KCNIP4: variants seen among roughly 807,000 people sequenced by gnomAD.
KCNIP4 encodes the protein potassium voltage-gated channel interacting protein 4, also known as Kv channel-interacting protein 4.
Under a neutral mutation model 34.0 loss-of-function variants are expected in KCNIP4, and 12 were observed. The ratio of observed to expected loss-of-function variants is 0.35; its 90% CI spans 0.23 to 0.57. The LOEUF is 0.57. KCNIP4 is among the 20% of genes least tolerant of loss of function. The probability of loss-of-function intolerance (pLI) is 0.83; values close to 1 mark genes in which losing one functional copy is unlikely to be tolerated. For synonymous variants in KCNIP4, 124 were observed against 102.2 expected (o/e 1.21, Z -1.29); for missense variants, 238 against 311.7 (o/e 0.76, Z 1.78).
intron 2 of KCNIP4, among the ~76,000 whole-genome samples, chr4:20,872,126 C>T (rs1723538223): frequency 6.6e-6 from 1 of 152,042 alleles, no homozygotes; most frequent in Admixed American, 6.6e-5. Flanking sequence ...TTTCACACTG[C>T]TATTGAAATA....
chr4:20,857,767 A>T (rs1031641407), intron 2 of KCNIP4, among the ~76,000 whole-genome samples: 10 of 152,248 alleles, frequency 6.6e-5, no homozygotes, highest in Non-Finnish European at 1.3e-4. Context: ...CAGAAAAGTT[A>T]ACTGTATTCA....
chr4:21,802,519 A>C (rs1390103306), intron 1 of KCNIP4, among the ~76,000 whole-genome samples: 2 of 152,176 alleles, frequency 1.3e-5, no homozygotes, highest in Non-Finnish European at 2.9e-5. Flanking sequence ...AAGGCCAAAA[A>C]ATAATAAATT....
At chr4:21,400,465 T>TTTCTC (rs1553876082) in intron 1 of KCNIP4, among the ~76,000 whole-genome samples, 2 of 117,974 alleles carry the variant, frequency 1.7e-5, no homozygotes, top group Admixed American at 9.0e-5. Flanking sequence ...TTTCTTTCTG[T>TTTCTC]TCCTCTCCTC....
At chr4:21,260,051 C>T (rs1390767073) in intron 1 of KCNIP4, among the ~76,000 whole-genome samples, 5 of 152,162 alleles carry the variant, frequency 3.3e-5, no homozygotes, top group African/African-American at 4.8e-5. Flanking sequence ...CATTAAAACA[C>T]AGGCTTCAGG....
Position 21,424,845 on chromosome 4 carries a change from G to A in KCNIP4, c.61+523726C>T, listed in dbSNP as rs117135833. Among the ~76,000 whole-genome samples the A allele has an allele frequency of 5.3e-3, 802 of 152,322 alleles. 34 individuals carry two copies. In the South Asian group the frequency reaches 0.094, roughly 18 times the overall value. On this transcript the variant is annotated intron_variant, in intron 1 of 8. Coordinates refer to ENST00000382152, the MANE Select transcript of KCNIP4 (RefSeq NM_025221.6). ...AATCAAATATTTTCCAGATAAGACA[G>A]TCATAGTGCCACATGTTGGAAGAAA...
intron 1 of KCNIP4, among the ~76,000 whole-genome samples, chr4:21,829,934 A>C (rs1482891874): frequency 6.6e-6 from 1 of 152,172 alleles, no homozygotes; most frequent in Non-Finnish European, 1.5e-5. Flanking sequence ...AGAAAGGAAC[A>C]AAAGATCTAT....
intron 1 of KCNIP4, among the ~76,000 whole-genome samples, chr4:21,187,365 T>C (rs1298826125): frequency 6.6e-6 from 1 of 152,214 alleles, no homozygotes; most frequent in South Asian, 2.1e-4. Flanking sequence ...AACAAATATA[T>C]AATCAGATCA....
At chr4:21,194,281 G>T (rs1755894843) in intron 1 of KCNIP4, among the ~76,000 whole-genome samples, 1 of 151,948 alleles carries the variant, frequency 6.6e-6, no homozygotes, top group East Asian at 1.9e-4. Flanking sequence ...TTTGCCTGTG[G>T]GTCCTCTCAC....
chr4:21,400,465 T>TTTC (rs1553876082), intron 1 of KCNIP4, among the ~76,000 whole-genome samples: 13,747 of 117,526 alleles, frequency 0.12, 2,724 homozygotes, highest in African/African-American at 0.34. Flanking sequence ...TTTCTTTCTG[T>TTTC]TCCTCTCCTC....
chr4:21,047,663 C>T (rs1742553588), intron 1 of KCNIP4, among the ~76,000 whole-genome samples: 1 of 152,130 alleles, frequency 6.6e-6, no homozygotes, highest in African/African-American at 2.4e-5. Flanking sequence ...TATTGCTGGC[C>T]TATTTGATTT....
At chr4:21,679,615 T>G (rs1481651862) in intron 1 of KCNIP4, among the ~76,000 whole-genome samples, 2 of 152,210 alleles carry the variant, frequency 1.3e-5, no homozygotes, top group Non-Finnish European at 2.9e-5. Flanking sequence ...ATACACTATC[T>G]GTTTTTCTCT....
intron 1 of KCNIP4, among the ~76,000 whole-genome samples, chr4:21,519,383 TG>T (rs138911964): frequency 0.015 from 2,307 of 150,892 alleles, 87 homozygotes; most frequent in Non-Finnish European, 0.024. Context: ...CGTATATGTA[TG>T]TGTATATATA....
At chr4:21,267,369 A>C (rs1761876330) in intron 1 of KCNIP4, among the ~76,000 whole-genome samples, 1 of 150,860 alleles carries the variant, frequency 6.6e-6, no homozygotes, top group African/African-American at 2.5e-5. Flanking sequence ...AAAAAAAAAA[A>C]CTCTTCTGAC....
intron 1 of KCNIP4, among the ~76,000 whole-genome samples, chr4:21,468,058 ACT>A (rs1309156375): frequency 6.6e-6 from 1 of 152,096 alleles, no homozygotes; most frequent in Non-Finnish European, 1.5e-5. Flanking sequence ...CAAATGGATC[ACT>A]CTGCAAAAAG....
chr4:21,032,536 T>G (rs1350548413), intron 1 of KCNIP4, among the ~76,000 whole-genome samples: 1 of 152,148 alleles, frequency 6.6e-6, no homozygotes, highest in Non-Finnish European at 1.5e-5. Flanking sequence ...AATATATTTC[T>G]TTGTATAAAC....
chr4:21,762,288 A>T (rs1718110414), intron 1 of KCNIP4, among the ~76,000 whole-genome samples: 1 of 152,120 alleles, frequency 6.6e-6, no homozygotes, highest in African/African-American at 2.4e-5. Context: ...ACTTCACATT[A>T]TTATTTTACC....
intron 1 of KCNIP4, among the ~76,000 whole-genome samples, chr4:21,611,991 C>T (rs778442299): frequency 2.4e-4 from 36 of 152,224 alleles, no homozygotes; most frequent in Admixed American, 1.0e-3. Flanking sequence ...TTCTTAGTTA[C>T]GAGACAAACT....
intron 1 of KCNIP4, among the ~76,000 whole-genome samples, chr4:21,258,414 GAAT>G (rs1761223360): frequency 6.6e-6 from 1 of 152,104 alleles, no homozygotes; most frequent in Non-Finnish European, 1.5e-5. Flanking sequence ...GTGGAAACCA[GAAT>G]ACTACGTGAC....
chr4:20,742,289 CCTG>C (rs1439588118), intron 5 of KCNIP4, among the ~76,000 whole-genome samples: 3 of 152,132 alleles, frequency 2.0e-5, no homozygotes, highest in Admixed American at 6.5e-5. Context: ...GACCAATATC[CCTG>C]CTGAACATCG....
Sources: gnomAD v4.1 joint callset for allele counts (sites outside exome capture counted in the v4.1 genomes callset) on GRCh38, gnomAD v4.1.1 for gene constraint, MANE v1.5 for transcripts, NCBI Gene and HGNC (gene_info 2026-07-23, HGNC 2026-07-21) for gene names.